The following KMT2C variants were observed in gnomAD, a reference collection of about 807,000 sequenced individuals.
KMT2C encodes histone-lysine N-methyltransferase 2C.
KMT2C carries 88 observed loss-of-function variants against 507.9 expected under a neutral mutation model. That is an observed-to-expected ratio of 0.17 (90% CI 0.15 to 0.21). The LOEUF (loss-of-function observed/expected upper bound fraction) is 0.21. Ranked by LOEUF, KMT2C falls within the 10% of genes least tolerant of loss-of-function variation. KMT2C has a pLI of 1.00. For synonymous variants in KMT2C, 2,049 were observed against 2,080.8 expected, an observed-to-expected ratio of 0.98 and a Z score of 0.42; for missense variants, 4,954 against 5,957.8, an observed-to-expected ratio of 0.83 and a Z score of 5.55.
At position 152,177,148 on chromosome 7, in the gene KMT2C, T is replaced by C; in HGVS notation, c.8305A>G (p.Lys2769Glu). The C allele has an allele frequency of 6.2e-7, 1 of 1,613,824 alleles. No individual in the cohort carries two copies. Residue 2769 changes from lysine (K) to glutamate (E), a missense_variant, in exon 38 of 59, where the codon AAG becomes GAG. Physicochemically the swap from Lys to Glu is moderately conservative, Grantham distance 56. Coordinates refer to ENST00000262189, the MANE Select transcript of KMT2C (RefSeq NM_170606.3). Reference protein sequence around the residue: ...YTDPELDMGDKKSMFNEELDL... With the variant: ...YTDPELDMGDEKSMFNEELDL... Reference sequence around the variant, plus strand: ...AGTTCCTCATTAAACATGCTTTTCTTATCTCCCATGTCAAGTTCTGGATCT... The same window carrying C: ...AGTTCCTCATTAAACATGCTTTTCTCATCTCCCATGTCAAGTTCTGGATCT...
At chr7:152,395,356 C>A (rs115751825) in intron 1 of KMT2C, among the ~76,000 whole-genome samples, 2 of 145,714 alleles carry the variant, frequency 1.4e-5, no homozygotes, top group Non-Finnish European at 1.5e-5. Flanking sequence ...GCTTTTCTTT[C>A]CCCCCCCCAG....
At chr7:152,196,082 A>G (rs2093953197) in intron 27 of KMT2C, 71 bp from the exon 28 acceptor site, 3 of 747,630 alleles carry the variant, frequency 4.0e-6, no homozygotes, top group East Asian at 3.0e-5. Flanking sequence ...CTAAAAACCT[A>G]GAGTACAGCA....
At chr7:152,251,703 C>T (rs2095564878) in intron 11 of KMT2C, among the ~76,000 whole-genome samples, 2 of 152,036 alleles carry the variant, frequency 1.3e-5, no homozygotes, top group South Asian at 4.1e-4. Context: ...TGAAGGAAAG[C>T]ACACTAGACC....
rs1005934731 is a variant in KMT2C, at chr7:152,181,145, T to C, written c.6715A>G (p.Thr2239Ala). The C allele has an allele frequency of 6.2e-7, 1 of 1,614,152 alleles. No individual in the cohort carries two copies. Among genetic ancestry groups the C allele is most frequent in the African/African-American group, 1.3e-5 (1 of 75,040 alleles). Residue 2239 changes from threonine to alanine, a missense_variant, in exon 36 of 59, where the codon ACA (threonine) becomes GCA (alanine). Around this residue, in one of 29 missense-constraint regions of KMT2C, gnomAD observed 1,689 missense variants for 1,654.3 expected, o/e 1.02. Coordinates refer to ENST00000262189, the MANE Select transcript of KMT2C (RefSeq NM_170606.3). ...TGATTTGGCATGAGGACTGGTCTTG[T>C]CATTGAGGACCTAGTAAAACCCTCT... ...ISEGFTRSSM[T>A]RPVLMPNQDP...
intron 14 of KMT2C, among the ~76,000 whole-genome samples, chr7:152,243,528 T>C (rs192950652): frequency 3.9e-5 from 6 of 152,180 alleles, no homozygotes; most frequent in African/African-American, 1.4e-4. Flanking sequence ...ACCCCTGTAA[T>C]CCCAGCACTT....
chr7:152,411,637 G>A (rs2097685455), intron 1 of KMT2C, among the ~76,000 whole-genome samples: 1 of 152,194 alleles, frequency 6.6e-6, no homozygotes, highest in Non-Finnish European at 1.5e-5. Flanking sequence ...CCCAGATCAG[G>A]GACTCTGCTA....
chr7:152,326,585 AT>A (rs1274370650), intron 3 of KMT2C, among the ~76,000 whole-genome samples: 2 of 152,150 alleles, frequency 1.3e-5, no homozygotes, highest in Non-Finnish European at 2.9e-5. Flanking sequence ...CACCATTAAA[AT>A]TCATTAAATT....
At chr7:152,284,999 G>A (rs1158090403) in intron 6 of KMT2C, among the ~76,000 whole-genome samples, 1 of 152,156 alleles carries the variant, frequency 6.6e-6, no homozygotes, top group Non-Finnish European at 1.5e-5. Context: ...CTGTGAAACT[G>A]TTTTCCAAAG....
chr7:152,135,302 C>A lies in KMT2C; in HGVS notation c.*1530G>T. 4.6e-6 allele frequency: 1 copy of A among 218,636 alleles called. No homozygotes were observed. Among genetic ancestry groups the A allele is most frequent in the Non-Finnish European group, 9.2e-6 (1 of 108,708 alleles). The allele number at this position is 218,636 out of a possible 1,614,324, so 13.5% of individuals were successfully genotyped here. The stretch of plus-strand genomic sequence containing the variant: ...ACACAAAACTTCATTTTATACTTAG[C>A]CTGTGAAGTGTCAGTACCAGAATTT... On this transcript the variant is annotated 3_prime_UTR_variant, in exon 59 of 59. Transcript: ENST00000262189.
At position 152,194,039 on chromosome 7, in the gene KMT2C, G is replaced by C; in HGVS notation, c.4630C>G (p.Pro1544Ala). 1 of 1,584,100 alleles carries C rather than the reference G, an allele frequency of 6.3e-7. No homozygotes were observed. Among genetic ancestry groups the C allele is most frequent in the African/African-American group, 1.4e-5 (1 of 73,090 alleles). ...TTGTGTATTGGCAACAGCTGTGTTG[G>C]TGGGGGAGGCTGTGGCAATGGAGTT... ...QPTPLPQPPPPTQLLPIHNQD... is the reference protein window; with the variant it reads ...QPTPLPQPPPATQLLPIHNQD... Residue 1544 changes from proline (P) to alanine (A), a missense_variant, in exon 31 of 59, where the codon CCA becomes GCA. By Grantham distance (27) the Pro-to-Ala change is conservative. Transcript: ENST00000262189.
At chr7:152,339,482 T>C (rs2096970115) in intron 2 of KMT2C, among the ~76,000 whole-genome samples, 1 of 152,268 alleles carries the variant, frequency 6.6e-6, no homozygotes, top group Non-Finnish European at 1.5e-5. Context: ...TTTTATAATT[T>C]AAGTGAATTA....
rs2092515407 is a variant in KMT2C, at chr7:152,162,611, CTTG to C, written c.10963_10965del (p.Gln3655del). ...ACTGGTTCCACCGACTCTTGGTCGG[CTTG>C]TTGAGGAAGCTCACTGGGTGTGCTC... On this transcript the variant is annotated inframe_deletion, in exon 43 of 59. Transcript: ENST00000262189. 1 of 1,614,054 alleles carries C rather than the reference CTTG, an allele frequency of 6.2e-7. No homozygotes were observed. Among genetic ancestry groups the C allele is most frequent in the African/African-American group, 1.3e-5 (1 of 74,928 alleles).
At chr7:152,240,372 G>A (rs2095360262) in intron 14 of KMT2C, among the ~76,000 whole-genome samples, 1 of 152,244 alleles carries the variant, frequency 6.6e-6, no homozygotes, top group African/African-American at 2.4e-5. Flanking sequence ...ATATTTCACT[G>A]CCTTCCTCGC....
chr7:152,157,343 A>C (rs2092131331), intron 44 of KMT2C, among the ~76,000 whole-genome samples: 1 of 151,744 alleles, frequency 6.6e-6, no homozygotes, highest in Non-Finnish European at 1.5e-5. Context: ...AAAAAAAAAA[A>C]CCTACAATAG....
chr7:152,373,327 C>T (rs1325572456), intron 1 of KMT2C, among the ~76,000 whole-genome samples: 1 of 152,186 alleles, frequency 6.6e-6, no homozygotes, highest in Non-Finnish European at 1.5e-5. Context: ...CAACACCTAA[C>T]AGCACCAGAT....
intron 58 of KMT2C, chr7:152,137,302 A>G (rs144456270): frequency 1.6e-4 from 27 of 173,978 alleles, no homozygotes; most frequent in African/African-American, 5.9e-4. Context: ...TGAATGGGGC[A>G]TGCAATTCTG....
chr7:152,356,750 C>T (rs1163884466), intron 2 of KMT2C, among the ~76,000 whole-genome samples: 1 of 150,530 alleles, frequency 6.6e-6, no homozygotes, highest in East Asian at 2.0e-4. Flanking sequence ...ATTAGCGAGG[C>T]GTGGTGGCAT....
chr7:152,420,245 A>G (rs75279443), intron 1 of KMT2C, among the ~76,000 whole-genome samples: 1 of 152,360 alleles, frequency 6.6e-6, no homozygotes, highest in South Asian at 2.1e-4. Flanking sequence ...TGAAAGGAAG[A>G]GATTTTAAGT....
chr7:152,235,102 C>T (rs2095239023), intron 16 of KMT2C, among the ~76,000 whole-genome samples: 1 of 151,726 alleles, frequency 6.6e-6, no homozygotes, highest in East Asian at 1.9e-4. Flanking sequence ...ATCTTGGGGA[C>T]AAGGACGGAT....
Sources: gnomAD v4.1 joint callset for allele counts (sites outside exome capture counted in the v4.1 genomes callset) on GRCh38, gnomAD v4.1.1 for gene constraint, gnomAD v4.1.1 regional missense constraint, MANE v1.5 for transcripts, NCBI Gene and HGNC (gene_info 2026-07-23, HGNC 2026-07-21) for gene names.